The following TRABD2B variants were observed in gnomAD, a reference collection of about 807,000 sequenced individuals.
TRABD2B encodes the protein TraB domain containing 2B.
A neutral mutation model predicts 40.1 loss-of-function variants in TRABD2B; 14 were observed. The ratio of observed to expected loss-of-function variants is 0.35; its 90% confidence interval spans 0.23 to 0.55. The LOEUF is 0.55. TRABD2B is among the 20% of genes least tolerant of loss of function. TRABD2B has a pLI of 0.90. For synonymous variants in TRABD2B, 263 were observed against 277.0 expected (o/e 0.95, Z 0.50); for missense variants, 541 against 648.6 (o/e 0.83, Z 1.80).
chr1:47,867,754 A>C (rs1644080831), intron 2 of TRABD2B, among the ~76,000 whole-genome samples: 1 of 152,346 alleles, frequency 6.6e-6, no homozygotes, highest in South Asian at 2.1e-4. Context: ...ATTCACTGGA[A>C]ATACGTGGGA....
chr1:47,854,995 G>A (rs910104743), intron 2 of TRABD2B, among the ~76,000 whole-genome samples: 3 of 152,244 alleles, frequency 2.0e-5, no homozygotes, highest in Admixed American at 6.5e-5. Flanking sequence ...AGGGTAATAG[G>A]CCTTCTTGGG....
In TRABD2B at chr1:47,840,254, T is replaced by C. The variant is rs113974181; in HGVS notation, c.667-38635A>G. Among the ~76,000 whole-genome samples, 11 of 152,314 alleles carry C rather than the reference T, an allele frequency of 7.2e-5. 3 individuals carry two copies. Among genetic ancestry groups the C allele is most frequent in the African/African-American group, 2.6e-4 (11 of 41,562 alleles). On this transcript the variant is annotated intron_variant, in intron 2 of 6. Transcript: ENST00000606738. ...CAACAACTGATGGGCACTCGCTACA[T>C]GCTGAGCCCTTTCACATACATTGCC...
At chr1:47,985,642 T>C (rs1204882297) in intron 2 of TRABD2B, among the ~76,000 whole-genome samples, 1 of 152,254 alleles carries the variant, frequency 6.6e-6, no homozygotes, top group African/African-American at 2.4e-5. Context: ...TCATGGCTCT[T>C]TTCCAGTAAA....
chr1:47,948,839 A>G (rs55634821), intron 2 of TRABD2B, among the ~76,000 whole-genome samples: 38,110 of 151,788 alleles, frequency 0.25, 4,800 homozygotes, highest in Admixed American at 0.28. Context: ...CATCTCTCTC[A>G]CCACCCTCTC....
chr1:47,823,685 G>A (rs565203274), intron 2 of TRABD2B, among the ~76,000 whole-genome samples: 6 of 152,278 alleles, frequency 3.9e-5, no homozygotes, highest in Non-Finnish European at 7.4e-5. Context: ...CCTTCAGCCC[G>A]GCTGAACAGG....
intron 2 of TRABD2B, among the ~76,000 whole-genome samples, chr1:47,971,543 C>A (rs1645682528): frequency 6.6e-6 from 1 of 152,102 alleles, no homozygotes; most frequent in Non-Finnish European, 1.5e-5. Flanking sequence ...GCCAGGTAGG[C>A]CTGCCCAGCC....
intron 3 of TRABD2B, among the ~76,000 whole-genome samples, chr1:47,797,625 G>C (rs1644765497): frequency 2.0e-5 from 3 of 152,150 alleles, no homozygotes; most frequent in Admixed American, 2.0e-4. Flanking sequence ...AACTGGGCTA[G>C]CTCCCCAGGC....
At chr1:47,974,397 C>G (rs1490739473) in intron 2 of TRABD2B, among the ~76,000 whole-genome samples, 1 of 152,156 alleles carries the variant, frequency 6.6e-6, no homozygotes, top group African/African-American at 2.4e-5. Context: ...CTGGATTCAG[C>G]TCTTAAGGCA....
intron 2 of TRABD2B, among the ~76,000 whole-genome samples, chr1:47,821,718 G>A (rs1405567830): frequency 6.6e-6 from 1 of 152,082 alleles, no homozygotes; most frequent in Non-Finnish European, 1.5e-5. Context: ...TGCACCCTGT[G>A]ATCCTGCAAA....
Position 47,953,791 on chromosome 1 carries a change from C to T in TRABD2B, c.666+40243G>A, listed in dbSNP as rs543448928. 5.6e-4 allele frequency among the ~76,000 whole-genome samples: 86 copies of T among 152,304 alleles called. No homozygotes were observed. The South Asian group carries it at 6.0e-3, about 11-fold the overall frequency. ...AGGAAATGTGAGTTTCTTATTCTTT[C>T]ACCTAGCTTGGGGTTTGGTGGCTGA... On this transcript the variant is annotated intron_variant, in intron 2 of 6. Coordinates refer to ENST00000606738, the MANE Select transcript of TRABD2B (RefSeq NM_001194986.2).
At chr1:47,966,373 C>G (rs1160404637) in intron 2 of TRABD2B, among the ~76,000 whole-genome samples, 1 of 152,114 alleles carries the variant, frequency 6.6e-6, no homozygotes, top group Non-Finnish European at 1.5e-5. Context: ...TCACCCATTT[C>G]TAGTTGTTAA....
At chr1:47,948,670 A>T (rs762541588) in intron 2 of TRABD2B, among the ~76,000 whole-genome samples, 2 of 152,164 alleles carry the variant, frequency 1.3e-5, no homozygotes, top group Non-Finnish European at 2.9e-5. Context: ...TATTGAGAAG[A>T]ATACAAAATT....
chr1:47,930,837 C>A (rs372095591), intron 2 of TRABD2B, among the ~76,000 whole-genome samples: 117 of 152,250 alleles, frequency 7.7e-4, no homozygotes, highest in African/African-American at 2.3e-3. Context: ...AAGGGACTGA[C>A]CCAGGGTCTC....
At chr1:47,796,507 A>G (rs1313006009) in intron 3 of TRABD2B, among the ~76,000 whole-genome samples, 1 of 152,206 alleles carries the variant, frequency 6.6e-6, no homozygotes, top group African/African-American at 2.4e-5. Flanking sequence ...AAATGGAGTC[A>G]ATGGAGGCTG....
intron 2 of TRABD2B, among the ~76,000 whole-genome samples, chr1:47,832,557 A>G (rs1645265212): frequency 1.3e-5 from 2 of 152,198 alleles, no homozygotes; most frequent in Admixed American, 6.5e-5. Context: ...TTAAATGGCT[A>G]TAATTCTTCC....
At chr1:47,842,294 G>A (rs1645409524) in intron 2 of TRABD2B, among the ~76,000 whole-genome samples, 1 of 152,174 alleles carries the variant, frequency 6.6e-6, no homozygotes, top group South Asian at 2.1e-4. Flanking sequence ...CTGATTCAGG[G>A]GCTCTGGCCA....
At chr1:47,775,542 A>C in intron 5 of TRABD2B, 103 bp from the exon 6 acceptor site, 3 of 1,157,394 alleles carry the variant, frequency 2.6e-6, no homozygotes, top group African/African-American at 1.6e-5. Context: ...TGGCAGGAGA[A>C]AGTGCCAGGG....
rs528798949 is a variant in TRABD2B at position 47,823,065 on chromosome 1, T to C, written c.667-21446A>G. Among the ~76,000 whole-genome samples the C allele has an allele frequency of 2.3e-3, 343 of 152,348 alleles. 2 individuals carry two copies. The highest frequency in any genetic ancestry group is 8.0e-3 in the African/African-American group (333 of 41,578). ...GATGCTGGTGAGGCATTCAGGGCAC[T>C]GAAGTGAGAGATGGGGCCGGCCTGG... On this transcript the variant is annotated intron_variant, in intron 2 of 6. Transcript: ENST00000606738.
intron 2 of TRABD2B, among the ~76,000 whole-genome samples, chr1:47,873,538 C>T (rs769345405): frequency 6.6e-6 from 1 of 152,198 alleles, no homozygotes; most frequent in Non-Finnish European, 1.5e-5. Flanking sequence ...CTACACAGAG[C>T]AAGCTCACAG....
Sources: gnomAD v4.1 joint callset for allele counts (sites outside exome capture counted in the v4.1 genomes callset) on GRCh38, gnomAD v4.1.1 for gene constraint, MANE v1.5 for transcripts, NCBI Gene and HGNC (gene_info 2026-07-23, HGNC 2026-07-21) for gene names.